SOS2: variants seen among roughly 807,000 people sequenced by gnomAD.
SOS2 encodes SOS Ras/Rho guanine nucleotide exchange factor 2.
In SOS2, 65 loss-of-function variants were observed where a neutral mutation model predicts 148.2. The observed-to-expected ratio is 0.44, with a 90% confidence interval of 0.36 to 0.54. The LOEUF is 0.54. Ranked by LOEUF, SOS2 falls within the 20% of genes least tolerant of loss-of-function variation. The probability of loss-of-function intolerance (pLI) is 0.00; values close to 1 mark genes in which losing one functional copy is unlikely to be tolerated. For synonymous variants in SOS2, 539 were observed against 537.1 expected, an observed-to-expected ratio of 1.00 and a Z score of -0.05; for missense variants, 1,341 against 1,590.2, an observed-to-expected ratio of 0.84 and a Z score of 2.67.
intron 13 of SOS2, among the ~76,000 whole-genome samples, chr14:50,151,910 G>A (rs949354222): frequency 1.8e-4 from 28 of 151,916 alleles, no homozygotes; most frequent in African/African-American, 5.1e-4. Context: ...TTTTTGTAGA[G>A]ACTGGGTTTT....
chr14:50,161,710 T>C, intron 8 of SOS2, 101 bp from the exon 9 acceptor site: 1 of 1,038,584 alleles, frequency 9.6e-7, no homozygotes, highest in East Asian at 2.6e-5. Flanking sequence ...CAACTCTAAG[T>C]TAATTTTATA....
chr14:50,224,763 G>A (rs1186175290), intron 1 of SOS2, among the ~76,000 whole-genome samples: 5 of 151,860 alleles, frequency 3.3e-5, no homozygotes, highest in African/African-American at 1.2e-4. Flanking sequence ...GCACATGCCT[G>A]TAGTCCCAGC....
At chr14:50,156,853 C>A in intron 12 of SOS2, 146 bp downstream of exon 12, 1 of 415,826 alleles carries the variant, frequency 2.4e-6, no homozygotes. Flanking sequence ...AACTTAACTG[C>A]TGTGAAGTTA....
chr14:50,130,001 GC>G lies in SOS2; in HGVS notation c.3338del (p.Gly1113AlafsTer27), dbSNP rs1566818911. 1 of 1,584,598 alleles carries G rather than the reference GC, an allele frequency of 6.3e-7. No individual in the cohort carries two copies. The highest frequency in any genetic ancestry group is 8.6e-7 in the Non-Finnish European group (1 of 1,157,774). ...FLDVDLNSSC[G>X]SNSIFAPVLL... is the part of the protein sequence containing the mutation. Reference sequence around the variant, plus strand: ...GCACTGGAGCAAAGATGCTATTGCTGCCTATTGGAATAAGAAAAATTAATTT... The same window carrying G: ...GCACTGGAGCAAAGATGCTATTGCTGCTATTGGAATAAGAAAAATTAATTT... On this transcript the variant is annotated frameshift_variant and splice_region_variant, in exon 21 of 23. Transcript: ENST00000216373. LOFTEE classifies it high-confidence loss of function.
At chr14:50,224,325 A>T (rs1210240910) in intron 1 of SOS2, among the ~76,000 whole-genome samples, 1 of 87,074 alleles carries the variant, frequency 1.1e-5, no homozygotes, top group Non-Finnish European at 2.5e-5. Flanking sequence ...ACACACACAC[A>T]CACACACACA....
chr14:50,199,842 T>C lies in SOS2; in HGVS notation c.359A>G (p.Tyr120Cys). The C allele has an allele frequency of 6.4e-7, 1 of 1,568,900 alleles. No individual in the cohort carries two copies. Among genetic ancestry groups the C allele is most frequent in the Non-Finnish European group, 8.7e-7 (1 of 1,149,636 alleles). ...TAGGGATACATGGTAGTCCACTTTG[T>C]ACCCTAATACTTCCTGTGAAAAGAA... ...IHPSLKEVLGYKVDYHVSLYI... is the reference protein window; with the variant it reads ...IHPSLKEVLGCKVDYHVSLYI... The change falls in exon 4 of 23, where the codon TAC (tyrosine) becomes TGC (cysteine). Residue 120 changes from tyrosine to cysteine, a missense_variant. Physicochemically the swap from Tyr to Cys is radical, Grantham distance 194 (BLOSUM62 -2). Around this residue, in one of 4 missense-constraint regions of SOS2, gnomAD observed 574 missense variants for 711.1 expected, o/e 0.81. Transcript: ENST00000216373.
At chr14:50,173,713 G>A (rs564657502) in intron 8 of SOS2, among the ~76,000 whole-genome samples, 2 of 152,214 alleles carry the variant, frequency 1.3e-5, no homozygotes, top group African/African-American at 2.4e-5. Context: ...GAACCACCGC[G>A]CCCGGCAGTA....
intron 8 of SOS2, among the ~76,000 whole-genome samples, chr14:50,170,957 A>G (rs1885342083): frequency 6.6e-6 from 1 of 151,806 alleles, no homozygotes; most frequent in South Asian, 2.1e-4. Flanking sequence ...TACTAAAAAT[A>G]CAAAAAATTA....
At chr14:50,199,892 G>A in intron 3 of SOS2, 37 bp from the exon 4 acceptor site, 2 of 1,332,408 alleles carry the variant, frequency 1.5e-6, no homozygotes, top group Non-Finnish European at 2.1e-6. Flanking sequence ...GCAAAATGTA[G>A]CACTGTCAAG....
At position 50,159,553 on chromosome 14, in the gene SOS2, A is replaced by G; in HGVS notation, c.1730T>C (p.Val577Ala). ...LPSPEVYRFV[V>A]KDSEENIVFE... ...AACAATGTTTTCCTCAGAGTCTTTT[A>G]CTACAAAACGATATACTTCAGGACT... is the stretch of plus-strand genomic sequence containing the variant. Residue 577 changes from valine to alanine, a missense_variant, in exon 10 of 23, where the codon GTA becomes GCA. Coordinates refer to ENST00000216373, the MANE Select transcript of SOS2 (RefSeq NM_006939.4). 3 of 1,613,870 alleles carry G rather than the reference A, an allele frequency of 1.9e-6. No homozygotes were observed. Among genetic ancestry groups the G allele is most frequent in the Non-Finnish European group, 2.5e-6 (3 of 1,179,844 alleles).
intron 16 of SOS2, among the ~76,000 whole-genome samples, chr14:50,144,614 T>G (rs1884405102): frequency 6.6e-6 from 1 of 151,924 alleles, no homozygotes; most frequent in Non-Finnish European, 1.5e-5. Context: ...ATTTTTGTAT[T>G]TTTAGTAGAG....
At chr14:50,145,925 A>C (rs1884451617) in intron 14 of SOS2, among the ~76,000 whole-genome samples, 1 of 152,114 alleles carries the variant, frequency 6.6e-6, no homozygotes, top group African/African-American at 2.4e-5. Flanking sequence ...ACCTGAGGTC[A>C]GGAGTTCGAG....
At chr14:50,140,425 G>GA (rs1249267722) in intron 16 of SOS2, among the ~76,000 whole-genome samples, 1 of 151,978 alleles carries the variant, frequency 6.6e-6, no homozygotes, top group Non-Finnish European at 1.5e-5. Context: ...AAAGGTTGGG[G>GA]TTTTGTTAAG....
chr14:50,200,996 T>C lies in SOS2; in HGVS notation c.302A>G (p.Asn101Ser). 1 of 1,614,000 alleles carries C rather than the reference T, an allele frequency of 6.2e-7. No individual in the cohort carries two copies. Among genetic ancestry groups the C allele is most frequent in the East Asian group, 2.2e-5 (1 of 44,858 alleles). The change falls in exon 3 of 23, where the codon AAT (asparagine) becomes AGT (serine). Residue 101 changes from asparagine to serine, a missense_variant. Coordinates refer to ENST00000216373, the MANE Select transcript of SOS2 (RefSeq NM_006939.4). ...TTTGTCCACAGGCAGTAAAAGAGGA[T>C]TTCTTCGTTTTCGTTTTTCTATAGC... Reference protein sequence around the residue: ...QSAIEKRKRRNPLLLPVDKIH... With the variant: ...QSAIEKRKRRSPLLLPVDKIH...
intron 8 of SOS2, among the ~76,000 whole-genome samples, chr14:50,162,563 CTT>C (rs923911662): frequency 1.3e-5 from 2 of 152,194 alleles, no homozygotes; most frequent in African/African-American, 4.8e-5. Context: ...CTAATGATTA[CTT>C]TGTTTTAGCA....
intron 12 of SOS2, among the ~76,000 whole-genome samples, chr14:50,154,630 A>G (rs942060915): frequency 3.5e-4 from 54 of 152,216 alleles, no homozygotes; most frequent in Middle Eastern, 3.2e-3. Context: ...ATAATAAAAC[A>G]CAACCTCGCA....
At chr14:50,223,777 CAGG>C (rs1887270869) in intron 1 of SOS2, among the ~76,000 whole-genome samples, 1 of 152,014 alleles carries the variant, frequency 6.6e-6, no homozygotes, top group Non-Finnish European at 1.5e-5. Flanking sequence ...TCATTGAGCC[CAGG>C]AGGTTAAGGC....
chr14:50,215,899 C>CT (rs1443833278), intron 1 of SOS2, among the ~76,000 whole-genome samples: 1 of 152,112 alleles, frequency 6.6e-6, no homozygotes, highest in East Asian at 1.9e-4. Flanking sequence ...AAAAATCTTG[C>CT]TAATGCACTT....
At position 50,139,567 on chromosome 14, in the gene SOS2, T is replaced by C. The variant is rs954779325; in HGVS notation, c.2785+375A>G. Among the ~76,000 whole-genome samples, 5 of 152,226 alleles carry C rather than the reference T, an allele frequency of 3.3e-5. No individual in the cohort carries two copies. In the East Asian group the frequency reaches 9.6e-4, roughly 29 times the overall value. On this transcript the variant is annotated intron_variant, in intron 17 of 22. Coordinates refer to ENST00000216373, the MANE Select transcript of SOS2 (RefSeq NM_006939.4). ...GATTTAAATCATTCAATTTCAATCATACACAACAATATTTTAATTCTAAAT... is the reference window on the plus strand; with the variant it reads ...GATTTAAATCATTCAATTTCAATCACACACAACAATATTTTAATTCTAAAT...
Sources: gnomAD v4.1 joint callset for allele counts (sites outside exome capture counted in the v4.1 genomes callset) on GRCh38, gnomAD v4.1.1 for gene constraint, gnomAD v4.1.1 regional missense constraint, MANE v1.5 for transcripts, NCBI Gene and HGNC (gene_info 2026-07-23, HGNC 2026-07-21) for gene names.